The following PDK1 variants were observed in gnomAD, a reference collection of about 807,000 sequenced individuals.
The protein encoded by PDK1 is pyruvate dehydrogenase kinase 1, also known as [Pyruvate dehydrogenase (acetyl-transferring)] kinase isozyme 1, mitochondrial.
A neutral mutation model predicts 54.2 loss-of-function variants in PDK1; 39 were observed. The observed-to-expected ratio is 0.72, with a 90% CI of 0.56 to 0.94. The LOEUF (loss-of-function observed/expected upper bound fraction) is 0.94, where lower values mean the gene tolerates loss of function less well. Ranked by LOEUF, PDK1 falls within the 40% of genes least tolerant of loss-of-function variation. The probability of loss-of-function intolerance (pLI) is 0.00; values close to 1 mark genes in which losing one functional copy is unlikely to be tolerated. For missense variants in PDK1, 552 were observed against 566.0 expected, an observed-to-expected ratio of 0.98 and a Z score of 0.25; for synonymous variants, 221 against 207.1, an observed-to-expected ratio of 1.07 and a Z score of -0.58.
At chr2:172,651,959 T>C in the PDK1 span, among the ~76,000 whole-genome samples, 7 of 152,318 alleles carry the variant, frequency 4.6e-5, no homozygotes, top group Admixed American at 2.6e-4. Context: ...TCCTCCCTAA[T>C]TCATTTTATG....
chr2:172,720,192 G>A, the PDK1 span, among the ~76,000 whole-genome samples: 1 of 145,430 alleles, frequency 6.9e-6, no homozygotes, highest in East Asian at 2.0e-4. Context: ...TCAGCTCACT[G>A]CAACCTCTGC....
downstream of PDK1, among the ~76,000 whole-genome samples, chr2:172,612,795 G>C (rs1483069722): frequency 6.6e-6 from 1 of 152,034 alleles, no homozygotes; most frequent in Non-Finnish European, 1.5e-5. Flanking sequence ...TAGTAGCTGG[G>C]ATTACAGAGG....
chr2:172,657,555 A>C, the PDK1 span, among the ~76,000 whole-genome samples: 1 of 151,818 alleles, frequency 6.6e-6, no homozygotes, highest in East Asian at 1.9e-4. Context: ...GATTTCTTCC[A>C]ATTACTGAAG....
In PDK1 at chr2:172,606,952, T is replaced by G. The variant is rs2149324803; in HGVS notation, c.*10983T>G. 6.6e-6 allele frequency: 1 copy of G among 152,214 alleles called. No homozygotes were observed. The highest frequency in any genetic ancestry group is 2.1e-4 in the South Asian group (1 of 4,826). The allele number at this position is 152,214 out of a possible 1,614,324, so 9.4% of individuals were successfully genotyped here. On this transcript the variant is annotated 3_prime_UTR_variant, in exon 11 of 11. Transcript: ENST00000282077. ...GCCACTTTTGTAGCATGCTTTGGGG[T>G]CTTATTCCTGGGATCTTTCTCTACA... is the stretch of plus-strand genomic sequence containing the variant.
chr2:172,670,697 A>G, the PDK1 span, among the ~76,000 whole-genome samples: 1 of 152,232 alleles, frequency 6.6e-6, no homozygotes, highest in Non-Finnish European at 1.5e-5. Context: ...TCAATATTGC[A>G]ATGATTGCAA....
chr2:172,614,003 G>A, the PDK1 span, among the ~76,000 whole-genome samples: 4 of 152,156 alleles, frequency 2.6e-5, no homozygotes, highest in African/African-American at 7.2e-5. Flanking sequence ...ACCCACAGCC[G>A]CAGATCTGGG....
intron 8 of PDK1, among the ~76,000 whole-genome samples, chr2:172,573,074 T>A (rs1689370521): frequency 6.6e-6 from 1 of 152,230 alleles, no homozygotes; most frequent in Non-Finnish European, 1.5e-5. Flanking sequence ...TACAAATTAT[T>A]GTGTGAACAT....
chr2:172,658,925 G>T, the PDK1 span, among the ~76,000 whole-genome samples: 1 of 152,104 alleles, frequency 6.6e-6, no homozygotes, highest in Admixed American at 6.5e-5. Context: ...AGGAGTTTTT[G>T]ATTTTGCCCT....
At chr2:172,645,128 G>A in the PDK1 span, among the ~76,000 whole-genome samples, 2 of 151,948 alleles carry the variant, frequency 1.3e-5, no homozygotes, top group African/African-American at 2.4e-5. Context: ...TGTGATGAGA[G>A]TATTTACACT....
chr2:172,570,670 T>C (rs979162368), intron 7 of PDK1, 56 bp from the exon 8 acceptor site: 11 of 1,040,132 alleles, frequency 1.1e-5, no homozygotes, highest in African/African-American at 1.6e-5. Context: ...ACTTGAAAAT[T>C]ACACTTTCTC....
the PDK1 span, among the ~76,000 whole-genome samples, chr2:172,628,162 T>G: frequency 5.7e-4 from 87 of 152,364 alleles, no homozygotes; most frequent in Non-Finnish European, 1.0e-3. Context: ...TTTATTATTT[T>G]GCCTATAGCT....
At chr2:172,645,360 T>C in the PDK1 span, among the ~76,000 whole-genome samples, 11,083 of 133,680 alleles carry the variant, frequency 0.083, 1,054 homozygotes, top group African/African-American at 0.24. Flanking sequence ...AACCTCTGCC[T>C]CCCGGGTTCA....
chr2:172,701,159 G>A, the PDK1 span, among the ~76,000 whole-genome samples: 1 of 152,038 alleles, frequency 6.6e-6, no homozygotes, highest in Admixed American at 6.5e-5. Context: ...CAACAAAATC[G>A]GCCACTTGTT....
Position 172,607,785 on chromosome 2 carries a change from G to T in PDK1, c.*11816G>T, listed in dbSNP as rs888052613. ...AGCAGGGGAAGGAAAAGGAGCAGGG[G>T]ATAGGGGAACTTTAGGAGCAGAGTA... On this transcript the variant is annotated 3_prime_UTR_variant, in exon 11 of 11. Coordinates refer to ENST00000282077, the MANE Select transcript of PDK1 (RefSeq NM_002610.5). The T allele has an allele frequency of 5.2e-5, 8 of 153,124 alleles. No individual in the cohort carries two copies. Among genetic ancestry groups the T allele is most frequent in the Admixed American group, 4.6e-4 (7 of 15,290 alleles). The allele number at this position is 153,124 out of a possible 1,614,324, so 9.5% of individuals were successfully genotyped here.
intron 9 of PDK1, among the ~76,000 whole-genome samples, chr2:172,590,248 T>A (rs1690493266): frequency 6.6e-6 from 1 of 152,256 alleles, no homozygotes; most frequent in Admixed American, 6.5e-5. Flanking sequence ...TAACACATTT[T>A]ATATGATATT....
intron 8 of PDK1, among the ~76,000 whole-genome samples, chr2:172,584,636 A>C (rs923492888): frequency 2.7e-5 from 4 of 147,066 alleles, no homozygotes; most frequent in Non-Finnish European, 4.5e-5. Flanking sequence ...GTTGTGTGAA[A>C]GGTACATGCT....
the PDK1 span, among the ~76,000 whole-genome samples, chr2:172,693,149 G>A: frequency 2.6e-5 from 4 of 152,188 alleles, no homozygotes; most frequent in Non-Finnish European, 4.4e-5. Context: ...TCCTGTGCCC[G>A]TGGCTAGCTC....
chr2:172,651,761 A>G, the PDK1 span, among the ~76,000 whole-genome samples: 1 of 152,204 alleles, frequency 6.6e-6, no homozygotes, highest in African/African-American at 2.4e-5. Context: ...TCCCAAGACT[A>G]AACCAGGAAG....
the PDK1 span, among the ~76,000 whole-genome samples, chr2:172,625,826 G>A: frequency 0.99 from 151,555 of 152,318 alleles, 75,409 homozygotes; most frequent in Middle Eastern, 1. Flanking sequence ...CAAAAAATAT[G>A]TAGGTATATT....
Sources: gnomAD v4.1 joint callset for allele counts (sites outside exome capture counted in the v4.1 genomes callset) on GRCh38, gnomAD v4.1.1 for gene constraint, MANE v1.5 for transcripts, NCBI Gene and HGNC (gene_info 2026-07-23, HGNC 2026-07-21) for gene names.